NELL2: variants seen among roughly 807,000 people sequenced by gnomAD.
NELL2 encodes the protein neural EGFL like 2.
Under a neutral mutation model 109.6 loss-of-function variants are expected in NELL2, and 41 were observed. The observed-to-expected ratio is 0.37, with a 90% confidence interval of 0.29 to 0.49. The LOEUF (loss-of-function observed/expected upper bound fraction) is 0.49. Ranked by LOEUF, NELL2 falls within the 20% of genes least tolerant of loss-of-function variation. NELL2 has a pLI of 0.98. For synonymous variants in NELL2, 355 were observed against 344.7 expected, an observed-to-expected ratio of 1.03 and a Z score of -0.33; for missense variants, 900 against 1,008.3, an observed-to-expected ratio of 0.89 and a Z score of 1.45.
chr12:44,809,345 AAT>A (rs1943100616), intron 3 of NELL2, among the ~76,000 whole-genome samples: 1 of 152,050 alleles, frequency 6.6e-6, no homozygotes, highest in South Asian at 2.1e-4. Flanking sequence ...TAAATGAATC[AAT>A]ATGTTAAAAA....
intron 9 of NELL2, among the ~76,000 whole-genome samples, chr12:44,729,574 A>AAAAAAAC (rs1555206440): frequency 1.3e-5 from 2 of 148,560 alleles, no homozygotes; most frequent in Non-Finnish European, 3.0e-5. Context: ...TAAAAAAAAA[A>AAAAAAAC]AAAACCAAGA....
intron 9 of NELL2, among the ~76,000 whole-genome samples, chr12:44,751,580 T>C (rs1051911810): frequency 6.6e-6 from 1 of 152,210 alleles, no homozygotes; most frequent in Non-Finnish European, 1.5e-5. Flanking sequence ...AATCCACATG[T>C]ATGGATGACC....
intron 2 of NELL2, among the ~76,000 whole-genome samples, chr12:44,824,877 A>AT (rs1446464841): frequency 6.6e-6 from 1 of 151,694 alleles, no homozygotes; most frequent in Admixed American, 6.6e-5. Flanking sequence ...CGCCTGGCTG[A>AT]TTTTTTATAC....
At chr12:44,741,525 G>A (rs1939961841) in intron 9 of NELL2, among the ~76,000 whole-genome samples, 1 of 152,238 alleles carries the variant, frequency 6.6e-6, no homozygotes, top group Non-Finnish European at 1.5e-5. Flanking sequence ...CCCGGGAAGT[G>A]CAAGGGGTCA....
At chr12:44,615,468 C>G (rs1415425638) in intron 13 of NELL2, among the ~76,000 whole-genome samples, 1 of 151,984 alleles carries the variant, frequency 6.6e-6, no homozygotes. Context: ...GAAAATTAAA[C>G]TTGACTTGGA....
intron 15 of NELL2, among the ~76,000 whole-genome samples, chr12:44,564,167 C>G (rs949042461): frequency 1.3e-5 from 2 of 152,042 alleles, no homozygotes; most frequent in Admixed American, 6.6e-5. Context: ...AACATTTTAC[C>G]TATAGTTTTT....
chr12:44,597,052 A>T (rs896077393), intron 15 of NELL2, among the ~76,000 whole-genome samples: 1 of 152,180 alleles, frequency 6.6e-6, no homozygotes, highest in African/African-American at 2.4e-5. Context: ...GCATTTCGTT[A>T]TCTAGACTCT....
intron 11 of NELL2, among the ~76,000 whole-genome samples, chr12:44,710,446 T>C (rs1938135195): frequency 6.6e-6 from 1 of 152,236 alleles, no homozygotes; most frequent in Admixed American, 6.6e-5. Context: ...GACTCAGCCC[T>C]GCCCACAAGG....
intron 19 of NELL2, among the ~76,000 whole-genome samples, chr12:44,511,030 C>T (rs1271639829): frequency 1.3e-5 from 2 of 152,206 alleles, no homozygotes; most frequent in African/African-American, 4.8e-5. Context: ...AGCTTTCCAT[C>T]ACTGAGTATG....
intron 13 of NELL2, among the ~76,000 whole-genome samples, chr12:44,661,380 C>T (rs1947738421): frequency 6.6e-6 from 1 of 152,174 alleles, no homozygotes; most frequent in Admixed American, 6.5e-5. Context: ...AATAAACTTC[C>T]ACTCCTGCTC....
chr12:44,780,290 T>A (rs940923203), intron 3 of NELL2, among the ~76,000 whole-genome samples: 1 of 151,996 alleles, frequency 6.6e-6, no homozygotes, highest in Non-Finnish European at 1.5e-5. Context: ...GGCTTCAATC[T>A]GGAAATATCA....
At chr12:44,680,113 G>A (rs74079137) in intron 12 of NELL2, among the ~76,000 whole-genome samples, 4,360 of 152,086 alleles carry the variant, frequency 0.029, 190 homozygotes, top group African/African-American at 0.097. Context: ...TATATATTTT[G>A]TCAGAAAGCA....
intron 14 of NELL2, among the ~76,000 whole-genome samples, chr12:44,609,164 T>G (rs545704216): frequency 1.3e-5 from 2 of 152,148 alleles, no homozygotes. Context: ...TTGCCCAATC[T>G]GGTCTCAAAC....
At chr12:44,598,797 C>A (rs1945071705) in intron 15 of NELL2, among the ~76,000 whole-genome samples, 1 of 151,394 alleles carries the variant, frequency 6.6e-6, no homozygotes. Context: ...GCTCAAGACT[C>A]CAGCATAGGC....
intron 14 of NELL2, among the ~76,000 whole-genome samples, chr12:44,608,449 A>T (rs1945488217): frequency 6.6e-6 from 1 of 151,986 alleles, no homozygotes; most frequent in Admixed American, 6.6e-5. Context: ...ACCGCACAGA[A>T]CTCAATGATT....
At chr12:44,876,801 C>T (rs1945341391), upstream of NELL2, 1 of 1,372,640 alleles carries the variant, frequency 7.3e-7, no homozygotes, top group African/African-American at 1.5e-5. Flanking sequence ...GGAGGAAGGC[C>T]ACCAAAACAC....
Position 44,829,959 on chromosome 12 carries a change from A to T in NELL2, c.185-13823T>A, listed in dbSNP as rs74877419. ...TTGAGATCTGATCAAATATTCATATAGTCCCTAATAGGAAAAAAATGTTCT... is the reference window on the plus strand; with the variant it reads ...TTGAGATCTGATCAAATATTCATATTGTCCCTAATAGGAAAAAAATGTTCT... On this transcript the variant is annotated intron_variant, in intron 2 of 19. Coordinates refer to ENST00000429094, the MANE Select transcript of NELL2 (RefSeq NM_001145108.2). Among the ~76,000 whole-genome samples, 1,164 of 152,298 alleles carry T rather than the reference A, an allele frequency of 7.6e-3. 15 individuals carry two copies. Among genetic ancestry groups the T allele is most frequent in the African/African-American group, 0.026 (1,089 of 41,566 alleles).
chr12:44,741,454 G>A (rs548875788), intron 9 of NELL2, among the ~76,000 whole-genome samples: 1 of 152,266 alleles, frequency 6.6e-6, no homozygotes, highest in African/African-American at 2.4e-5. Flanking sequence ...CAGACAGTGG[G>A]TGCAGGACAG....
At chr12:44,525,030 T>C (rs1001494496) in intron 16 of NELL2, among the ~76,000 whole-genome samples, 2 of 152,196 alleles carry the variant, frequency 1.3e-5, no homozygotes, top group Non-Finnish European at 2.9e-5. Context: ...TTAAGAATTA[T>C]AATAAGCCAG....
Sources: gnomAD v4.1 joint callset for allele counts (sites outside exome capture counted in the v4.1 genomes callset) on GRCh38, gnomAD v4.1.1 for gene constraint, MANE v1.5 for transcripts, NCBI Gene and HGNC (gene_info 2026-07-23, HGNC 2026-07-21) for gene names.